The following ARHGAP42 variants were observed in gnomAD, a reference collection of about 807,000 sequenced individuals.
ARHGAP42 encodes the protein Rho GTPase activating protein 42, also known as rho GTPase-activating protein 42.
In ARHGAP42, 63 loss-of-function variants were observed where a neutral mutation model predicts 125.0. The ratio of observed to expected loss-of-function variants is 0.50; its 90% CI spans 0.41 to 0.62. ARHGAP42 has a LOEUF of 0.62. Among genes scored for constraint, ARHGAP42 ranks in the 20% least tolerant of loss-of-function variants. The probability of loss-of-function intolerance (pLI) is 0.00; values close to 1 mark genes in which losing one functional copy is unlikely to be tolerated. For synonymous variants in ARHGAP42, 339 were observed against 351.0 expected (o/e 0.97, Z 0.38); for missense variants, 766 against 1,024.2 (o/e 0.75, Z 3.44).
chr11:100,775,290 C>T (rs780156427), intron 2 of ARHGAP42, among the ~76,000 whole-genome samples: 1 of 152,002 alleles, frequency 6.6e-6, no homozygotes, highest in Non-Finnish European at 1.5e-5. Context: ...ACGCGGGGCT[C>T]AGAAATTGGT....
chr11:100,863,966 T>C (rs1226443932), intron 4 of ARHGAP42, among the ~76,000 whole-genome samples: 1 of 152,196 alleles, frequency 6.6e-6, no homozygotes, highest in East Asian at 1.9e-4. Flanking sequence ...AAAACTGCAA[T>C]TACTTTTGCA....
intron 1 of ARHGAP42, among the ~76,000 whole-genome samples, chr11:100,700,039 G>A (rs1490590800): frequency 6.6e-6 from 1 of 151,980 alleles, no homozygotes; most frequent in Non-Finnish European, 1.5e-5. Flanking sequence ...TATTATACCG[G>A]CAGATGTCAG....
At chr11:100,833,206 T>C (rs1734315554) in intron 3 of ARHGAP42, among the ~76,000 whole-genome samples, 1 of 152,212 alleles carries the variant, frequency 6.6e-6, no homozygotes, top group African/African-American at 2.4e-5. Flanking sequence ...TTGGTTGAAA[T>C]AAATAGGACC....
intron 1 of ARHGAP42, among the ~76,000 whole-genome samples, chr11:100,689,608 T>C (rs1861152031): frequency 6.6e-6 from 1 of 152,238 alleles, no homozygotes; most frequent in African/African-American, 2.4e-5. Flanking sequence ...GTTCTTCCAT[T>C]CATAAGTGAA....
At position 100,831,397 on chromosome 11, in the gene ARHGAP42, G is replaced by A. The variant is rs193260414; in HGVS notation, c.313-28157G>A. On this transcript the variant is annotated intron_variant, in intron 3 of 23. Transcript: ENST00000298815. ...AGTAAAATTTTACTAAGAAAAACAC[G>A]GAACTGACTTAAAAGGAGTCATCCA... 1.2e-4 allele frequency among the ~76,000 whole-genome samples: 19 copies of A among 152,240 alleles called. 1 individual carries two copies. Among genetic ancestry groups the A allele is most frequent in the Admixed American group, 9.2e-4 (14 of 15,282 alleles).
At chr11:100,941,909 G>T (rs2135272740) in intron 9 of ARHGAP42, 25 bp downstream of exon 9, 1 of 1,460,894 alleles carries the variant, frequency 6.8e-7, no homozygotes, top group East Asian at 2.5e-5. Flanking sequence ...TTTTCTGTTT[G>T]TTTTTTAAAC....
chr11:100,893,681 G>C (rs1298106647), intron 4 of ARHGAP42, among the ~76,000 whole-genome samples: 1 of 152,062 alleles, frequency 6.6e-6, no homozygotes, highest in Non-Finnish European at 1.5e-5. Context: ...GGTGTATTAA[G>C]AGTTGGAAGA....
Position 100,991,533 on chromosome 11 carries a change from T to G in ARHGAP42, c.*2732T>G, listed in dbSNP as rs1366966026. ...GAGATTGAGGGGGTCTAAATTTAAG[T>G]TCCTTATCTCCTGAGTTATGTGAAA... On this transcript the variant is annotated 3_prime_UTR_variant, in exon 24 of 24. Transcript: ENST00000298815. The G allele has an allele frequency of 6.6e-6, 1 of 152,124 alleles. No individual in the cohort carries two copies. Among genetic ancestry groups the G allele is most frequent in the Admixed American group, 6.6e-5 (1 of 15,254 alleles). 9.4% of individuals were successfully genotyped at this position (152,124 alleles called of 1,614,324 possible).
chr11:100,971,664 A>G (rs995143869), intron 17 of ARHGAP42, among the ~76,000 whole-genome samples: 2 of 152,240 alleles, frequency 1.3e-5, no homozygotes, highest in Non-Finnish European at 2.9e-5. Flanking sequence ...TGAGCTTAAT[A>G]TTAACTATAT....
At chr11:100,830,285 G>C (rs1245040485) in intron 3 of ARHGAP42, among the ~76,000 whole-genome samples, 1 of 152,158 alleles carries the variant, frequency 6.6e-6, no homozygotes, top group Non-Finnish European at 1.5e-5. Context: ...GCCTCAGTAA[G>C]TAAAAATACC....
intron 17 of ARHGAP42, among the ~76,000 whole-genome samples, chr11:100,971,844 C>T (rs968659407): frequency 2.0e-5 from 3 of 151,962 alleles, no homozygotes; most frequent in Admixed American, 6.6e-5. Context: ...ATAAGGAAAC[C>T]GAAACCTAGA....
intron 1 of ARHGAP42, among the ~76,000 whole-genome samples, chr11:100,702,170 T>C (rs1591115687): frequency 6.6e-6 from 1 of 152,050 alleles, no homozygotes; most frequent in Non-Finnish European, 1.5e-5. Context: ...GTGAGAGACA[T>C]GCAAATCTTC....
chr11:100,752,019 A>T (rs1862472715), intron 1 of ARHGAP42, among the ~76,000 whole-genome samples: 2 of 151,976 alleles, frequency 1.3e-5, no homozygotes, highest in South Asian at 4.1e-4. Flanking sequence ...GCCTCAGATG[A>T]TCCACCCACC....
intron 7 of ARHGAP42, among the ~76,000 whole-genome samples, chr11:100,934,183 A>G (rs7114062): frequency 0.15 from 22,705 of 152,246 alleles, 1,956 homozygotes; most frequent in East Asian, 0.25. Context: ...GAAATTGAAT[A>G]TAAAATATGT....
chr11:100,896,155 C>G (rs1229998992), intron 4 of ARHGAP42, among the ~76,000 whole-genome samples: 1 of 152,176 alleles, frequency 6.6e-6, no homozygotes, highest in African/African-American at 2.4e-5. Flanking sequence ...ATCCATGTTC[C>G]TGCAAAGGAC....
At chr11:100,882,744 G>C (rs184893272) in intron 4 of ARHGAP42, among the ~76,000 whole-genome samples, 2 of 151,736 alleles carry the variant, frequency 1.3e-5, no homozygotes, top group Admixed American at 6.6e-5. Context: ...TTTTTTGTTG[G>C]TAATAATTAC....
intron 4 of ARHGAP42, among the ~76,000 whole-genome samples, chr11:100,877,634 G>C (rs1169232954): frequency 2.6e-5 from 4 of 152,174 alleles, no homozygotes; most frequent in Non-Finnish European, 1.5e-5. Context: ...AAGTCAAGGA[G>C]AACTTGGTTT....
intron 17 of ARHGAP42, among the ~76,000 whole-genome samples, chr11:100,972,392 C>G (rs1343678950): frequency 2.0e-5 from 3 of 152,160 alleles, no homozygotes; most frequent in Non-Finnish European, 4.4e-5. Context: ...GATTACTTCA[C>G]TCAGGTCAGT....
chr11:100,948,285 A>G (rs1272713280), intron 10 of ARHGAP42, among the ~76,000 whole-genome samples, 172 bp from the exon 11 acceptor site: 1 of 152,064 alleles, frequency 6.6e-6, no homozygotes, highest in East Asian at 1.9e-4. Flanking sequence ...GATTTTTCTG[A>G]AAGTATTATA....
Sources: gnomAD v4.1 joint callset for allele counts (sites outside exome capture counted in the v4.1 genomes callset) on GRCh38, gnomAD v4.1.1 for gene constraint, MANE v1.5 for transcripts, NCBI Gene and HGNC (gene_info 2026-07-23, HGNC 2026-07-21) for gene names.